The following MEIKIN variants were observed in gnomAD, a reference collection of about 807,000 sequenced individuals.
MEIKIN encodes the protein meiotic kinetochore factor, also known as meiosis-specific kinetochore protein.
chr5:131,814,220 A>G (rs1425763810), intron 12 of MEIKIN, among the ~76,000 whole-genome samples: 1 of 151,908 alleles, frequency 6.6e-6, no homozygotes, highest in Non-Finnish European at 1.5e-5. Flanking sequence ...AATCAAGTTG[A>G]CACTCAGTAA....
At chr5:131,872,753 G>A (rs1237419032) in intron 9 of MEIKIN, among the ~76,000 whole-genome samples, 2 of 152,172 alleles carry the variant, frequency 1.3e-5, no homozygotes, top group African/African-American at 4.8e-5. Context: ...AGAGAGAAAG[G>A]TTGGGTTACC....
At chr5:131,882,714 C>T (rs955188652) in intron 8 of MEIKIN, among the ~76,000 whole-genome samples, 1 of 152,322 alleles carries the variant, frequency 6.6e-6, no homozygotes, top group Non-Finnish European at 1.5e-5. Flanking sequence ...CTCCACTTTA[C>T]ACAACCTGGT....
At chr5:131,834,075 T>G (rs1481418742) in intron 11 of MEIKIN, among the ~76,000 whole-genome samples, 1 of 152,198 alleles carries the variant, frequency 6.6e-6, no homozygotes, top group African/African-American at 2.4e-5. Context: ...TAGTGGATAC[T>G]AAAACAAACA....
At chr5:131,898,579 G>A (rs577647424) in intron 8 of MEIKIN, among the ~76,000 whole-genome samples, 3 of 152,346 alleles carry the variant, frequency 2.0e-5, no homozygotes, top group African/African-American at 7.2e-5. Context: ...GGTGGGCTCT[G>A]CCCAGTTCGA....
chr5:131,942,812 T>C (rs1374536257), intron 3 of MEIKIN, 117 bp from the exon 4 acceptor site: 1 of 380,168 alleles, frequency 2.6e-6, no homozygotes, highest in Admixed American at 4.5e-5. Flanking sequence ...ATATGTTTCA[T>C]ATATATAATA....
chr5:131,878,665 T>A (rs1440787314), intron 9 of MEIKIN, among the ~76,000 whole-genome samples: 1 of 151,696 alleles, frequency 6.6e-6, no homozygotes, highest in Non-Finnish European at 1.5e-5. Context: ...AGGCCATGAG[T>A]TTGAGATGAG....
chr5:131,814,142 A>G (rs1773057412), intron 12 of MEIKIN, among the ~76,000 whole-genome samples: 1 of 152,080 alleles, frequency 6.6e-6, no homozygotes, highest in Non-Finnish European at 1.5e-5. Context: ...CACTGACTCA[A>G]ATGTTAATCT....
At chr5:131,929,084 G>A (rs1403913255) in intron 5 of MEIKIN, among the ~76,000 whole-genome samples, 1 of 152,088 alleles carries the variant, frequency 6.6e-6, no homozygotes, top group Non-Finnish European at 1.5e-5. Context: ...ACTGTTGTTG[G>A]TTGATAATTT....
At chr5:131,925,989 T>C (rs1458109098) in intron 5 of MEIKIN, among the ~76,000 whole-genome samples, 3 of 152,202 alleles carry the variant, frequency 2.0e-5, no homozygotes, top group Admixed American at 2.0e-4. Context: ...TAGAGTGTTT[T>C]ACATATAAGA....
intron 8 of MEIKIN, among the ~76,000 whole-genome samples, chr5:131,890,900 G>A (rs879759506): frequency 2.6e-4 from 40 of 152,162 alleles, no homozygotes; most frequent in Non-Finnish European, 5.4e-4. Flanking sequence ...GTGTCCCAGA[G>A]AGTCTGGTAT....
chr5:131,844,668 GAACT>G (rs1318508517), intron 11 of MEIKIN, among the ~76,000 whole-genome samples: 1 of 152,158 alleles, frequency 6.6e-6, no homozygotes, highest in African/African-American at 2.4e-5. Flanking sequence ...GCCAGTAAAA[GAACT>G]ATCTGAAAAG....
At chr5:131,891,874 C>G (rs1354292875) in intron 8 of MEIKIN, among the ~76,000 whole-genome samples, 1 of 152,114 alleles carries the variant, frequency 6.6e-6, no homozygotes, top group East Asian at 1.9e-4. Context: ...TTTCCGTGTT[C>G]AGTGCTTCCC....
intron 12 of MEIKIN, among the ~76,000 whole-genome samples, chr5:131,818,082 C>G (rs1027446145): frequency 6.6e-6 from 1 of 152,128 alleles, no homozygotes; most frequent in Non-Finnish European, 1.5e-5. Context: ...GGACAAATTC[C>G]TTACTACTTT....
At chr5:131,836,580 A>C (rs951049657) in intron 11 of MEIKIN, among the ~76,000 whole-genome samples, 1 of 152,072 alleles carries the variant, frequency 6.6e-6, no homozygotes, top group Non-Finnish European at 1.5e-5. Context: ...ACTTTTTAAT[A>C]ATTGCCATTC....
At chr5:131,817,695 T>C (rs1448813106) in intron 12 of MEIKIN, among the ~76,000 whole-genome samples, 2 of 152,106 alleles carry the variant, frequency 1.3e-5, no homozygotes, top group African/African-American at 4.8e-5. Flanking sequence ...AATACAATTA[T>C]TAAGTATCAA....
chr5:131,865,777 T>A (rs1177360045), intron 9 of MEIKIN, among the ~76,000 whole-genome samples: 1 of 152,240 alleles, frequency 6.6e-6, no homozygotes, highest in East Asian at 1.9e-4. Flanking sequence ...TTACTGTCTT[T>A]GTATGATTTC....
chr5:131,861,369 C>G (rs931314041), intron 9 of MEIKIN, among the ~76,000 whole-genome samples: 1 of 151,962 alleles, frequency 6.6e-6, no homozygotes, highest in Admixed American at 6.6e-5. Flanking sequence ...ACCTGGGCAA[C>G]AGAGAGAGAC....
intron 11 of MEIKIN, among the ~76,000 whole-genome samples, chr5:131,825,432 G>T (rs1749594383): frequency 1.3e-5 from 2 of 152,186 alleles, no homozygotes; most frequent in African/African-American, 4.8e-5. Flanking sequence ...AAAGGGAAAA[G>T]ACATAGGGCC....
rs148301635 is a variant in MEIKIN at position 131,835,284 on chromosome 5, G to A, written c.975+15980C>T. On this transcript the variant is annotated intron_variant, in intron 11 of 12. Transcript: ENST00000442687. ...ATGATATCAACTCCTTATCAGATATGTGGTTTGCAAATATTTTCTAACATT... is the reference window on the plus strand; with the variant it reads ...ATGATATCAACTCCTTATCAGATATATGGTTTGCAAATATTTTCTAACATT... 2.3e-3 allele frequency among the ~76,000 whole-genome samples: 353 copies of A among 151,840 alleles called. 3 individuals carry two copies. Among genetic ancestry groups the A allele is most frequent in the Middle Eastern group, 6.9e-3 (2 of 290 alleles).
Sources: allele counts gnomAD v4.1 joint callset (sites outside exome capture counted in the v4.1 genomes callset), GRCh38; gene constraint gnomAD v4.1.1; transcripts MANE v1.5; gene names NCBI Gene and HGNC (gene_info 2026-07-23, HGNC 2026-07-21).